SETBP1: variants seen among roughly 807,000 people sequenced by gnomAD.
SETBP1 encodes SET binding protein 1, also known as SET-binding protein.
A neutral mutation model predicts 101.0 loss-of-function variants in SETBP1; 9 were observed. That is an observed-to-expected ratio of 0.09 (90% CI 0.05 to 0.16). The LOEUF (loss-of-function observed/expected upper bound fraction) is 0.16. Among genes scored for constraint, SETBP1 ranks in the 10% least tolerant of loss-of-function variants. The pLI is 1.00. For synonymous variants in SETBP1, 818 were observed against 788.5 expected (o/e 1.04, Z -0.63); for missense variants, 1,858 against 2,033.8 (o/e 0.91, Z 1.66).
intron 1 of SETBP1, among the ~76,000 whole-genome samples, chr18:44,688,675 G>A (rs918868959): frequency 6.6e-6 from 1 of 151,924 alleles, no homozygotes; most frequent in African/African-American, 2.4e-5. Flanking sequence ...GCTGCGTCTC[G>A]AACTCCTGAC....
chr18:45,028,885 G>C (rs1165589827), intron 4 of SETBP1, among the ~76,000 whole-genome samples: 3 of 152,066 alleles, frequency 2.0e-5, no homozygotes, highest in Non-Finnish European at 2.9e-5. Context: ...AAATTTGTTT[G>C]AGTTCATTGT....
intron 2 of SETBP1, among the ~76,000 whole-genome samples, chr18:44,736,740 C>A (rs1455023664): frequency 6.6e-6 from 1 of 152,216 alleles, no homozygotes. Context: ...TCTCTCATAA[C>A]CCACAGTGCA....
intron 3 of SETBP1, among the ~76,000 whole-genome samples, chr18:44,889,443 G>C (rs2069719699): frequency 6.6e-6 from 1 of 152,136 alleles, no homozygotes; most frequent in Non-Finnish European, 1.5e-5. Context: ...TCCCTGCAGA[G>C]TTCAGTTTGG....
intron 2 of SETBP1, among the ~76,000 whole-genome samples, chr18:44,841,355 G>A (rs1046304726): frequency 1.3e-5 from 2 of 152,140 alleles, no homozygotes; most frequent in East Asian, 1.9e-4. Context: ...TTCTTAGAGC[G>A]AGTTATCCAT....
chr18:44,798,958 G>T (rs1180366820), intron 2 of SETBP1, among the ~76,000 whole-genome samples: 1 of 152,178 alleles, frequency 6.6e-6, no homozygotes, highest in Admixed American at 6.5e-5. Flanking sequence ...GATAGGCAGT[G>T]CTAGGCCTCT....
intron 2 of SETBP1, among the ~76,000 whole-genome samples, chr18:44,737,031 G>C (rs1191493236): frequency 6.6e-6 from 1 of 152,118 alleles, no homozygotes; most frequent in Non-Finnish European, 1.5e-5. Flanking sequence ...GTAGACACTT[G>C]GTACATCTTT....
At chr18:44,821,505 G>A (rs2072113768) in intron 2 of SETBP1, among the ~76,000 whole-genome samples, 1 of 152,152 alleles carries the variant, frequency 6.6e-6, no homozygotes, top group Admixed American at 6.5e-5. Context: ...TGTGCAGAAT[G>A]GTCACTACCT....
Position 44,950,776 on chromosome 18 carries a change from G to A in SETBP1, c.1436G>A (p.Gly479Asp), listed in dbSNP as rs766687302. 5.6e-6 allele frequency: 9 copies of A among 1,614,114 alleles called. No homozygotes were observed. Among genetic ancestry groups the A allele is most frequent in the Non-Finnish European group, 6.8e-6 (8 of 1,180,018 alleles). The change falls in exon 4 of 6, where the codon GGC becomes GAC. Residue 479 changes from glycine (G) to aspartate (D), a missense_variant. By Grantham distance (94) the Gly-to-Asp change is moderately conservative. Coordinates refer to ENST00000649279, the MANE Select transcript of SETBP1 (RefSeq NM_015559.3). ...ATAGAGAATGAGTCCCCCTCAGTTG[G>A]CCTTGAAACTGGTGGAAATGCTGAG... is the stretch of plus-strand genomic sequence containing the variant. ...KMIENESPSV[G>D]LETGGNAEKV...
At chr18:44,928,406 A>C (rs1207270317) in intron 3 of SETBP1, among the ~76,000 whole-genome samples, 1 of 152,184 alleles carries the variant, frequency 6.6e-6, no homozygotes, top group Non-Finnish European at 1.5e-5. Flanking sequence ...GCATGTGTCT[A>C]TATAGCAGCA....
At position 44,951,062 on chromosome 18, in the gene SETBP1, A is replaced by G. The variant is rs2071337474; in HGVS notation, c.1722A>G (p.Thr574=). The G allele has an allele frequency of 1.2e-6, 2 of 1,613,986 alleles. No individual in the cohort carries two copies. The highest frequency in any genetic ancestry group is 1.7e-6 in the Non-Finnish European group (2 of 1,180,034). The part of the protein sequence containing the change: ...ITPSSPLYTN[T]DSLTVITPVK... ...CATCCAGCCCTCTCTACACCAACAC[A>G]GACAGTCTTACTGTGATCACTCCAG... Residue 574 remains threonine (T), a synonymous_variant, in exon 4 of 6, where the codon ACA becomes ACG. Coordinates refer to ENST00000649279, the MANE Select transcript of SETBP1 (RefSeq NM_015559.3). This position sits in a 1 kb window ranked among gnomAD's most constrained non-coding sequence, Gnocchi z 7.8.
intron 4 of SETBP1, among the ~76,000 whole-genome samples, chr18:44,965,692 C>T (rs1032749464): frequency 3.9e-5 from 6 of 152,214 alleles, no homozygotes; most frequent in East Asian, 1.9e-4. Flanking sequence ...AGAGAGTTTG[C>T]TCACATCGCT....
chr18:44,824,785 G>T (rs185250529), intron 2 of SETBP1, among the ~76,000 whole-genome samples: 1 of 152,222 alleles, frequency 6.6e-6, no homozygotes, highest in Non-Finnish European at 1.5e-5. Flanking sequence ...GCAGAAGAAA[G>T]AGAGCAATAG....
intron 4 of SETBP1, among the ~76,000 whole-genome samples, chr18:45,038,189 A>C (rs1385134803): frequency 6.6e-6 from 1 of 152,150 alleles, no homozygotes. Flanking sequence ...GGGAATGTAC[A>C]TCCTCAAAAG....
chr18:44,900,253 C>T (rs1457518989), intron 3 of SETBP1, among the ~76,000 whole-genome samples: 1 of 152,146 alleles, frequency 6.6e-6, no homozygotes, highest in African/African-American at 2.4e-5. Flanking sequence ...GGTTGGGCCC[C>T]AGCAATCTGT....
chr18:44,928,680 G>C (rs1004925189), intron 3 of SETBP1, among the ~76,000 whole-genome samples: 3 of 152,248 alleles, frequency 2.0e-5, no homozygotes, highest in Non-Finnish European at 2.9e-5. Context: ...CTGATGGCCA[G>C]TGATGATCAG....
intron 2 of SETBP1, among the ~76,000 whole-genome samples, chr18:44,763,517 C>T (rs1226193915): frequency 6.6e-6 from 1 of 152,152 alleles, no homozygotes; most frequent in African/African-American, 2.4e-5. Flanking sequence ...CATGGAGCTG[C>T]GTTGTTTGCA....
intron 4 of SETBP1, among the ~76,000 whole-genome samples, chr18:45,027,537 G>A (rs1307737847): frequency 6.6e-6 from 1 of 152,132 alleles, no homozygotes; most frequent in Non-Finnish European, 1.5e-5. Flanking sequence ...GCAAGATATA[G>A]GAAAAGAATA....
chr18:44,738,654 A>G (rs1481481987), intron 2 of SETBP1, among the ~76,000 whole-genome samples: 2 of 151,918 alleles, frequency 1.3e-5, no homozygotes, highest in Admixed American at 6.6e-5. Flanking sequence ...CATGCCTGGA[A>G]TGCCAGCTCC....
chr18:45,029,302 G>A (rs917407135), intron 4 of SETBP1, among the ~76,000 whole-genome samples: 3 of 151,944 alleles, frequency 2.0e-5, no homozygotes, highest in African/African-American at 7.3e-5. Flanking sequence ...TCTCAGGTTT[G>A]TCAAAGATCA....
Sources: allele counts gnomAD v4.1 joint callset (sites outside exome capture counted in the v4.1 genomes callset), GRCh38; gene constraint gnomAD v4.1.1; non-coding constraint Gnocchi (gnomAD v3.1); transcripts MANE v1.5; gene names NCBI Gene and HGNC (gene_info 2026-07-23, HGNC 2026-07-21).